Variants in FGF13 observed in about 807,000 individuals in gnomAD.
The protein encoded by FGF13 is fibroblast growth factor 13, also known as fibroblast growth factor homologous factor 2.
In FGF13, 2 loss-of-function variants were observed where a neutral mutation model predicts 19.5. The observed-to-expected ratio is 0.10, with a 90% CI of 0.04 to 0.32. FGF13 has a LOEUF of 0.32. FGF13 is among the 10% of genes least tolerant of loss of function. The pLI is 1.00. For missense variants in FGF13, 113 were observed against 192.7 expected, an observed-to-expected ratio of 0.59 and a Z score of 2.45; for synonymous variants, 72 against 76.9, an observed-to-expected ratio of 0.94 and a Z score of 0.33.
At chrX:138,969,560 T>A (rs1242668633) in intron 1 of FGF13, among the ~76,000 whole-genome samples, 3 of 111,870 alleles carry the variant, frequency 2.7e-5, no homozygotes, top group Non-Finnish European at 5.6e-5. Context: ...TTGTGGGGTG[T>A]CACATTTATG....
chrX:139,090,951 A>AG (rs1296074433), intron 1 of FGF13, among the ~76,000 whole-genome samples: 2 of 107,695 alleles, frequency 1.9e-5, no homozygotes, highest in Non-Finnish European at 3.8e-5. Flanking sequence ...CAAAAAAAAA[A>AG]AAAAAAAAAA....
At chrX:138,854,357 T>C (rs1224519357), downstream of FGF13, among the ~76,000 whole-genome samples, 1 of 112,017 alleles carries the variant, frequency 8.9e-6, no homozygotes, top group Non-Finnish European at 1.9e-5. Context: ...GGCCTTCGTG[T>C]ATCCTGAAAA....
intron 3 of FGF13, among the ~76,000 whole-genome samples, chrX:138,677,442 A>G (rs1482472378): frequency 5.4e-5 from 6 of 111,008 alleles, no homozygotes; most frequent in Non-Finnish European, 1.1e-4. Flanking sequence ...ACAAAGGGCT[A>G]ATATCCAGAA....
At chrX:139,028,720 A>C (rs1312039920) in intron 1 of FGF13, among the ~76,000 whole-genome samples, 8 of 102,131 alleles carry the variant, frequency 7.8e-5, no homozygotes, top group Non-Finnish European at 1.4e-4. Flanking sequence ...AGAGAGAGAG[A>C]GAGCGTGTGT....
chrX:139,111,115 T>C (rs1450731293), intron 1 of FGF13, among the ~76,000 whole-genome samples: 1 of 112,049 alleles, frequency 8.9e-6, no homozygotes, highest in Non-Finnish European at 1.9e-5. Context: ...TACAGATGGC[T>C]AAGATCTCAA....
intron 1 of FGF13, among the ~76,000 whole-genome samples, chrX:138,924,574 C>T (rs190376781): frequency 9.0e-6 from 1 of 111,535 alleles, no homozygotes; most frequent in East Asian, 2.8e-4. Context: ...ATTTAATATG[C>T]CTTTAGGACG....
chrX:139,146,046 G>A (rs1295944331), intron 1 of FGF13, among the ~76,000 whole-genome samples: 1 of 111,607 alleles, frequency 9.0e-6, no homozygotes, highest in Admixed American at 9.5e-5. Flanking sequence ...TACCATTCAG[G>A]ACATAGGCAT....
At chrX:138,658,861 C>T (rs2089461704) in intron 3 of FGF13, among the ~76,000 whole-genome samples, 2 of 112,058 alleles carry the variant, frequency 1.8e-5, no homozygotes, top group African/African-American at 6.5e-5. Context: ...TCAAACTTGT[C>T]TTTAAAGAAG....
chrX:138,925,374 A>G (rs1298638420), intron 1 of FGF13, among the ~76,000 whole-genome samples: 1 of 110,068 alleles, frequency 9.1e-6, no homozygotes, highest in Non-Finnish European at 1.9e-5. Context: ...CGGCAACCAA[A>G]AAGATCTTAC....
At chrX:139,012,462 C>T (rs750317629) in intron 1 of FGF13, among the ~76,000 whole-genome samples, 6 of 111,524 alleles carry the variant, frequency 5.4e-5, no homozygotes, top group East Asian at 5.7e-4. Flanking sequence ...ATAAGGCCAT[C>T]GTCACCAAAA....
chrX:138,780,811 G>C (rs181320570), intron 3 of FGF13, among the ~76,000 whole-genome samples: 7 of 110,674 alleles, frequency 6.3e-5, no homozygotes, highest in African/African-American at 2.0e-4. Context: ...TGCACCAAGC[G>C]GACCGAATAG....
At chrX:139,082,928 A>G (rs2083380785) in intron 1 of FGF13, among the ~76,000 whole-genome samples, 1 of 111,919 alleles carries the variant, frequency 8.9e-6, no homozygotes, top group African/African-American at 3.3e-5. Flanking sequence ...ATGCTGTATC[A>G]TGGAGATAAA....
intron 1 of FGF13, among the ~76,000 whole-genome samples, chrX:139,145,395 T>A (rs2083880085): frequency 8.9e-6 from 1 of 111,873 alleles, no homozygotes; most frequent in Admixed American, 9.5e-5. Flanking sequence ...TATACATATG[T>A]CAAAACTTAT....
In FGF13 at chrX:138,629,727, A is replaced by G. The variant is rs1321592471; in HGVS notation, c.*3123T>C. 1 of 111,286 alleles carries G rather than the reference A, an allele frequency of 9.0e-6. No homozygotes were observed. Among genetic ancestry groups the G allele is most frequent in the Non-Finnish European group, 1.9e-5 (1 of 53,126 alleles). 9.2% of individuals were successfully genotyped at this position (111,286 alleles called of 1,213,427 possible). Reference sequence around the variant, plus strand: ...GAATGAACTAATACCAGTGGTTCTCAAAGTCCCGAGGATCAACAGCCTCAG... The same window carrying G: ...GAATGAACTAATACCAGTGGTTCTCGAAGTCCCGAGGATCAACAGCCTCAG... On this transcript the variant is annotated 3_prime_UTR_variant, in exon 5 of 5. Transcript: ENST00000315930.
At chrX:138,961,031 TC>T (rs1293988540) in intron 1 of FGF13, among the ~76,000 whole-genome samples, 1 of 111,422 alleles carries the variant, frequency 9.0e-6, no homozygotes, top group African/African-American at 3.3e-5. Flanking sequence ...AAGGTCATTC[TC>T]CGTGCAGCTC....
intron 1 of FGF13, among the ~76,000 whole-genome samples, chrX:138,718,142 A>G (rs899540609): frequency 3.6e-5 from 4 of 112,562 alleles, no homozygotes; most frequent in African/African-American, 1.3e-4. Context: ...GTTTTACTCA[A>G]TAATATTTGA....
chrX:139,203,750 C>T (rs2084438803), upstream of FGF13, among the ~76,000 whole-genome samples: 1 of 111,983 alleles, frequency 8.9e-6, no homozygotes, highest in African/African-American at 3.2e-5. Context: ...GCAGACAGCG[C>T]GGTTCCCGGC....
intron 1 of FGF13, among the ~76,000 whole-genome samples, chrX:138,995,496 T>C (rs2092038118): frequency 9.0e-6 from 1 of 111,562 alleles, no homozygotes; most frequent in South Asian, 3.8e-4. Flanking sequence ...TAGTGTCTGT[T>C]GTTTGTTCTT....
chrX:138,767,985 G>A (rs1371269249), intron 3 of FGF13, among the ~76,000 whole-genome samples: 1 of 112,281 alleles, frequency 8.9e-6, no homozygotes, highest in African/African-American at 3.2e-5. Flanking sequence ...TTTGTCAGTG[G>A]CAGTTTTCTA....
Sources: gnomAD v4.1 joint callset for allele counts (sites outside exome capture counted in the v4.1 genomes callset) on GRCh38, gnomAD v4.1.1 for gene constraint, MANE v1.5 for transcripts, NCBI Gene and HGNC (gene_info 2026-07-23, HGNC 2026-07-21) for gene names.